The following RBFOX1 variants were observed in gnomAD, a reference collection of about 807,000 sequenced individuals.
RBFOX1 encodes the protein RNA binding protein fox-1 homolog 1.
Under a neutral mutation model 57.7 loss-of-function variants are expected in RBFOX1, and 8 were observed. That is an observed-to-expected ratio of 0.14 (90% CI 0.08 to 0.25). The LOEUF (loss-of-function observed/expected upper bound fraction) is 0.25. RBFOX1 is among the 10% of genes least tolerant of loss of function. The probability of loss-of-function intolerance (pLI) is 1.00; values close to 1 mark genes in which losing one functional copy is unlikely to be tolerated. For missense variants in RBFOX1, 611 were observed against 548.5 expected (o/e 1.11, Z -1.14); for synonymous variants, 326 against 222.4 (o/e 1.47, Z -4.15).
At chr16:6,991,621 C>G (rs1219244497) in intron 3 of RBFOX1, among the ~76,000 whole-genome samples, 1 of 152,108 alleles carries the variant, frequency 6.6e-6, no homozygotes, top group Non-Finnish European at 1.5e-5. Context: ...ACTGCAACTT[C>G]CACCTCCCAG....
At chr16:7,397,516 C>T (rs984255183) in intron 4 of RBFOX1, among the ~76,000 whole-genome samples, 6 of 152,154 alleles carry the variant, frequency 3.9e-5, no homozygotes, top group African/African-American at 1.4e-4. Flanking sequence ...CCACTGGTGA[C>T]AGAGGGTCTC....
At chr16:5,534,274 G>T (rs979350866) in intron 2 of RBFOX1, among the ~76,000 whole-genome samples, 4 of 152,170 alleles carry the variant, frequency 2.6e-5, no homozygotes, top group Non-Finnish European at 5.9e-5. Context: ...CAGAGGGACA[G>T]AACTAACAGG....
intron 4 of RBFOX1, among the ~76,000 whole-genome samples, chr16:7,114,484 A>T (rs901639716): frequency 6.6e-6 from 1 of 152,204 alleles, no homozygotes; most frequent in African/African-American, 2.4e-5. Flanking sequence ...TCATTTTAAG[A>T]AGCACTCAAG....
intron 2 of RBFOX1, among the ~76,000 whole-genome samples, chr16:6,394,954 T>C (rs1447942916): frequency 3.3e-5 from 5 of 152,218 alleles, no homozygotes; most frequent in African/African-American, 1.2e-4. Flanking sequence ...TTTGGTCTTC[T>C]CTCCAATAAA....
intron 4 of RBFOX1, among the ~76,000 whole-genome samples, chr16:7,491,362 T>C (rs114833554): frequency 0.047 from 4,935 of 104,126 alleles, 290 homozygotes; most frequent in African/African-American, 0.13. Context: ...AGTAAGGGAC[T>C]CTTCTTGGGT....
intron 3 of RBFOX1, among the ~76,000 whole-genome samples, chr16:6,972,784 G>C (rs1418130746): frequency 1.3e-5 from 2 of 152,242 alleles, no homozygotes; most frequent in South Asian, 4.2e-4. Context: ...TTGATGTCGA[G>C]TGGGTAAGAA....
intron 1 of RBFOX1, among the ~76,000 whole-genome samples, chr16:5,324,835 A>AAG (rs1380257963): frequency 6.6e-5 from 10 of 152,144 alleles, no homozygotes; most frequent in Non-Finnish European, 1.0e-4. Flanking sequence ...GGAGGGAAGG[A>AAG]AGAGGGAGAA....
At chr16:7,660,078 A>G (rs2067319205) in intron 12 of RBFOX1, among the ~76,000 whole-genome samples, 1 of 152,220 alleles carries the variant, frequency 6.6e-6, no homozygotes, top group African/African-American at 2.4e-5. Context: ...CTTTTCTATA[A>G]GAATATACTT....
At position 7,132,286 on chromosome 16, in the gene RBFOX1, C is replaced by T. The variant is rs77021694; in HGVS notation, c.27+80188C>T. Among the ~76,000 whole-genome samples the T allele has an allele frequency of 3.6e-3, 542 of 152,092 alleles. 6 individuals are homozygous for T. The highest frequency in any genetic ancestry group is 0.012 in the African/African-American group (500 of 41,496). ...ATGAGATACCCTGTCCGGCCAGAGT[C>T]CAAGTTCATCATTGCAATGTTCTTT... On this transcript the variant is annotated intron_variant, in intron 4 of 15. Coordinates refer to ENST00000550418, the MANE Select transcript of RBFOX1 (RefSeq NM_018723.4).
At chr16:7,420,935 A>G (rs1217724779) in intron 4 of RBFOX1, among the ~76,000 whole-genome samples, 1 of 145,896 alleles carries the variant, frequency 6.9e-6, no homozygotes, top group Admixed American at 6.8e-5. Context: ...ACACATATAT[A>G]TATACACACA....
chr16:5,311,993 C>A (rs148562403), intron 1 of RBFOX1, among the ~76,000 whole-genome samples: 1 of 152,196 alleles, frequency 6.6e-6, no homozygotes, highest in Non-Finnish European at 1.5e-5. Context: ...AGGCCATGTT[C>A]TATTAATGCC....
At chr16:6,493,151 A>G (rs944789190) in intron 2 of RBFOX1, among the ~76,000 whole-genome samples, 4 of 152,204 alleles carry the variant, frequency 2.6e-5, no homozygotes, top group African/African-American at 9.6e-5. Flanking sequence ...AGATACCAAC[A>G]TAGGTATTCT....
At chr16:7,356,073 A>G (rs184740810) in intron 4 of RBFOX1, among the ~76,000 whole-genome samples, 9 of 152,362 alleles carry the variant, frequency 5.9e-5, no homozygotes, top group Admixed American at 5.2e-4. Flanking sequence ...CATGTCTCCA[A>G]TACCTGGTGC....
chr16:6,915,486 C>T (rs576622931), intron 3 of RBFOX1, among the ~76,000 whole-genome samples: 2 of 151,938 alleles, frequency 1.3e-5, no homozygotes, highest in Admixed American at 6.6e-5. Context: ...TGACTTCCTA[C>T]TATAGCCTAA....
chr16:5,904,308 A>T (rs557887917), intron 4 of RBFOX1, among the ~76,000 whole-genome samples: 1 of 152,238 alleles, frequency 6.6e-6, no homozygotes, highest in South Asian at 2.1e-4. Context: ...AAGTCAGGCC[A>T]GCAGAATACA....
intron 2 of RBFOX1, among the ~76,000 whole-genome samples, chr16:6,468,664 G>A (rs943253622): frequency 1.3e-5 from 2 of 151,894 alleles, no homozygotes; most frequent in African/African-American, 4.8e-5. Context: ...TTATTTGTGT[G>A]TGAGTTAGAA....
At chr16:6,228,170 G>A (rs2097431458) in intron 1 of RBFOX1, among the ~76,000 whole-genome samples, 1 of 151,988 alleles carries the variant, frequency 6.6e-6, no homozygotes, top group Non-Finnish European at 1.5e-5. Flanking sequence ...AAATATCTAG[G>A]CTTGGTGACA....
At chr16:6,745,336 A>T (rs1228703169) in intron 3 of RBFOX1, among the ~76,000 whole-genome samples, 2 of 151,996 alleles carry the variant, frequency 1.3e-5, no homozygotes, top group Non-Finnish European at 2.9e-5. Context: ...CCAGGAAAAA[A>T]TTCACAAGAA....
In RBFOX1 at chr16:7,189,214, A is replaced by C. The variant is rs1049658284; in HGVS notation, c.27+137116A>C. Among the ~76,000 whole-genome samples the C allele has an allele frequency of 7.2e-5, 11 of 152,076 alleles. No homozygotes were observed. The South Asian group carries it at 2.3e-3, about 32-fold the overall frequency. ...GCCGACGTAGGTAGATCATGAGGTC[A>C]GGCGATCGAGACCATCCTGGCTAAC... On this transcript the variant is annotated intron_variant, in intron 4 of 15. Coordinates refer to ENST00000550418, the MANE Select transcript of RBFOX1 (RefSeq NM_018723.4).
Sources: allele counts gnomAD v4.1 joint callset (sites outside exome capture counted in the v4.1 genomes callset), GRCh38; gene constraint gnomAD v4.1.1; transcripts MANE v1.5; gene names NCBI Gene and HGNC (gene_info 2026-07-23, HGNC 2026-07-21).